Variants in RASAL1 observed in about 807,000 individuals in gnomAD.
RASAL1 encodes the protein rasGAP-activating-like protein 1.
RASAL1 carries 72 observed loss-of-function variants against 96.6 expected under a neutral mutation model. The observed-to-expected ratio is 0.75, with a 90% CI of 0.62 to 0.91. The LOEUF is 0.91. RASAL1 is among the 40% of genes least tolerant of loss of function. RASAL1 has a pLI of 0.00. For synonymous variants in RASAL1, 405 were observed against 430.4 expected (o/e 0.94, Z 0.73); for missense variants, 1,016 against 1,072.5 (o/e 0.95, Z 0.74).
chr12:113,133,410 C>T (rs542475722), intron 1 of RASAL1, among the ~76,000 whole-genome samples: 16 of 152,174 alleles, frequency 1.1e-4, no homozygotes, highest in Non-Finnish European at 2.1e-4. Context: ...AAGTGACTGC[C>T]TCTCTGGTCC....
At chr12:113,101,219 T>C (rs1950430651) in intron 19 of RASAL1, among the ~76,000 whole-genome samples, 1 of 152,136 alleles carries the variant, frequency 6.6e-6, no homozygotes, top group Non-Finnish European at 1.5e-5. Context: ...AACTGGAGAC[T>C]AGCCTGGCCA....
At chr12:113,118,877 C>T (rs577292947) in intron 7 of RASAL1, among the ~76,000 whole-genome samples, 39 of 152,164 alleles carry the variant, frequency 2.6e-4, no homozygotes, top group Non-Finnish European at 4.3e-4. Context: ...ATCTGTCATG[C>T]TCTCATCCCA....
rs532874442 is a variant in RASAL1 at position 113,126,536 on chromosome 12, G to T, written c.298+1276C>A. 1.8e-4 allele frequency among the ~76,000 whole-genome samples: 28 copies of T among 152,100 alleles called. No individual in the cohort carries two copies. In the South Asian group the frequency reaches 5.8e-3, roughly 32 times the overall value. ...TCCTCTACAAGAAATACAAAAATTA[G>T]CCAGGTGTGGTGGTGCACGCCTGTA... On this transcript the variant is annotated intron_variant, in intron 4 of 20. Coordinates refer to ENST00000548055, the MANE Select transcript of RASAL1 (RefSeq NM_001301202.2).
chr12:113,112,113 C>G lies in RASAL1; in HGVS notation c.1347G>C (p.Glu449Asp), dbSNP rs2136156147. 8.0e-7 allele frequency: 1 copy of G among 1,246,178 alleles called. No homozygotes were observed. Among genetic ancestry groups the G allele is most frequent in the East Asian group, 3.2e-5 (1 of 31,718 alleles). 77.2% of individuals were successfully genotyped at this position (1,246,178 alleles called of 1,614,324 possible). A position where few individuals can be genotyped will look rare whatever the true frequency, so the allele number is the denominator to read the frequency against. ...LAFKQLHRRV[E>D]ERFPQAEHQD... is the part of the protein sequence containing the mutation. Reference sequence around the variant, plus strand: ...GGTGCTCGGCCTGGGGGAAGCGCTCCTCCACTCGCCGGTGCAGCTGCTTGA... The same window carrying G: ...GGTGCTCGGCCTGGGGGAAGCGCTCGTCCACTCGCCGGTGCAGCTGCTTGA... The change falls in exon 13 of 21, where the codon GAG (glutamate) becomes GAC (aspartate). Residue 449 changes from glutamate (E) to aspartate (D), a missense_variant. Transcript: ENST00000548055.
intron 1 of RASAL1, among the ~76,000 whole-genome samples, chr12:113,132,227 C>A (rs1404522874): frequency 6.6e-6 from 1 of 152,164 alleles, no homozygotes; most frequent in Non-Finnish European, 1.5e-5. Context: ...CCCGCCTCGG[C>A]CTCCCAAAGT....
At chr12:113,101,189 G>A (rs114679988) in intron 19 of RASAL1, among the ~76,000 whole-genome samples, 28 of 152,316 alleles carry the variant, frequency 1.8e-4, no homozygotes, top group African/African-American at 6.3e-4. Flanking sequence ...GGCGAGACAG[G>A]TGGATCACTT....
rs779208167 is a variant in RASAL1 at position 113,115,794 on chromosome 12, T to G, written c.850-6A>C. The stretch of plus-strand genomic sequence containing the variant: ...AAGGGGCTAGCAGTGTCCTCCTGGG[T>G]GGGGGCGGGAGACAAAGATGACCTC... On this transcript the variant is annotated splice_polypyrimidine_tract_variant and splice_region_variant and intron_variant, in intron 9 of 20. Transcript: ENST00000548055. The surrounding 1 kb of genome is among the most constrained non-coding windows in gnomAD (Gnocchi z 4.1). 29 of 1,612,542 alleles carry G rather than the reference T, an allele frequency of 1.8e-5. 2 individuals are homozygous for G. The South Asian group carries it at 3.0e-4, about 16-fold the overall frequency.
chr12:113,116,088 G>T, intron 8 of RASAL1, 37 bp from the exon 9 acceptor site: 1 of 1,505,774 alleles, frequency 6.6e-7, no homozygotes, highest in South Asian at 1.3e-5. Flanking sequence ...TGAAAGATCT[G>T]GCCGAACACG....
At chr12:113,121,126 G>A (rs962655655) in intron 5 of RASAL1, among the ~76,000 whole-genome samples, 1 of 152,168 alleles carries the variant, frequency 6.6e-6, no homozygotes, top group South Asian at 2.1e-4. Flanking sequence ...ATTCCTAATG[G>A]CATCGTTTGA....
Position 113,100,679 on chromosome 12 carries a change from G to T in RASAL1, c.2227C>A (p.Leu743Met), listed in dbSNP as rs1566029919. The stretch of plus-strand genomic sequence containing the variant: ...ATGTTAGAATCCTCCAGTAATTTCA[G>T]CCTGGAAGGTAAGAGGGAGAAAGAC... ...QLLLGRDQLR[L>M]KLLEDSNMDT... The change falls in exon 20 of 21, where the codon CTG (leucine) becomes ATG (methionine). Residue 743 changes from leucine to methionine, a missense_variant and splice_region_variant. By Grantham distance (15) the Leu-to-Met change is conservative. Coordinates refer to ENST00000548055, the MANE Select transcript of RASAL1 (RefSeq NM_001301202.2). 5.6e-6 allele frequency: 9 copies of T among 1,608,688 alleles called. No individual in the cohort carries two copies. The South Asian group carries it at 7.7e-5, about 14-fold the overall frequency.
intron 4 of RASAL1, among the ~76,000 whole-genome samples, chr12:113,126,575 G>A (rs1412142718): frequency 1.3e-5 from 2 of 152,028 alleles, no homozygotes; most frequent in Non-Finnish European, 2.9e-5. Context: ...CCAGCTACTT[G>A]GGAGGTTGAG....
intron 4 of RASAL1, among the ~76,000 whole-genome samples, chr12:113,126,688 TCACACACACACACACACACA>T (rs71455143): frequency 1.0e-4 from 14 of 139,014 alleles, no homozygotes; most frequent in Middle Eastern, 3.5e-3. Context: ...TCTCTCTCTC[TCACACACACACACACACACA>T]CACACACACA....
intron 16 of RASAL1, among the ~76,000 whole-genome samples, chr12:113,104,781 C>T (rs185649270): frequency 1.8e-4 from 28 of 152,384 alleles, no homozygotes; most frequent in Non-Finnish European, 3.8e-4. Flanking sequence ...GGATTACAGG[C>T]ATGAGCCACC....
chr12:113,125,953 G>A (rs946091084), intron 4 of RASAL1, among the ~76,000 whole-genome samples: 2 of 152,200 alleles, frequency 1.3e-5, no homozygotes, highest in South Asian at 4.1e-4. Context: ...TGAGACCACT[G>A]TTATAGGAAG....
intron 4 of RASAL1, among the ~76,000 whole-genome samples, chr12:113,126,911 A>C (rs1041849491): frequency 4.0e-5 from 6 of 150,404 alleles, no homozygotes; most frequent in African/African-American, 1.5e-4. Context: ...TGAGTCCATA[A>C]ATATAAAGAA....
chr12:113,136,712 G>A (rs951774702), upstream of RASAL1, among the ~76,000 whole-genome samples: 1 of 152,222 alleles, frequency 6.6e-6, no homozygotes, highest in Non-Finnish European at 1.5e-5. Flanking sequence ...AGTTAATGAA[G>A]ATAAAAGTCT....
rs927997287 is a variant in RASAL1 at position 113,101,919 on chromosome 12, C to T, written c.2195G>A (p.Arg732Gln). Residue 732 changes from arginine to glutamine, a missense_variant, in exon 19 of 21, where the codon CGG (arginine) becomes CAG (glutamine). By Grantham distance (43) the Arg-to-Gln change is conservative. Transcript: ENST00000548055. ...DPDAEAQTVY[R>Q]QLLLGRDQLR... ...CTGGTCCCGCCCCAGGAGCAGCTGC[C>T]GATACACTGTCTGGGCCTCAGCATC... 7 of 1,613,954 alleles carry T rather than the reference C, an allele frequency of 4.3e-6. No individual in the cohort carries two copies. Among genetic ancestry groups the T allele is most frequent in the African/African-American group, 4.0e-5 (3 of 74,942 alleles).
chr12:113,111,721 G>A (rs935809651), intron 13 of RASAL1, among the ~76,000 whole-genome samples: 7 of 152,136 alleles, frequency 4.6e-5, no homozygotes, highest in African/African-American at 1.7e-4. Context: ...AGCCTCCGGA[G>A]TAGCTGGGAT....
chr12:113,130,946 A>G lies in RASAL1; in HGVS notation c.66-5T>C, dbSNP rs1339022545. On this transcript the variant is annotated splice_region_variant and splice_polypyrimidine_tract_variant and intron_variant, in intron 1 of 20. Transcript: ENST00000548055. This position sits in a 1 kb window ranked among gnomAD's most constrained non-coding sequence, Gnocchi z 5.1. ...TAGGGGTCGCTGCTCCCAGACCTGC[A>G]GAAGGAGGGAGTTCAGGGAGGAAGC... is the stretch of plus-strand genomic sequence containing the variant. 8 of 1,612,614 alleles carry G rather than the reference A, an allele frequency of 5.0e-6. No homozygotes were observed. Among genetic ancestry groups the G allele is most frequent in the East Asian group, 2.2e-5 (1 of 44,856 alleles).
Sources: gnomAD v4.1 joint callset for allele counts (sites outside exome capture counted in the v4.1 genomes callset) on GRCh38, gnomAD v4.1.1 for gene constraint, Gnocchi (gnomAD v3.1) non-coding constraint, MANE v1.5 for transcripts, NCBI Gene and HGNC (gene_info 2026-07-23, HGNC 2026-07-21) for gene names.